CFAP299: variants seen among roughly 807,000 people sequenced by gnomAD.
CFAP299 encodes cilia and flagella associated protein 299, also known as cilia- and flagella-associated protein 299.
In CFAP299, 21 loss-of-function variants were observed where a neutral mutation model predicts 27.0. That is an observed-to-expected ratio of 0.78 (90% CI 0.55 to 1.12). The LOEUF (loss-of-function observed/expected upper bound fraction) is 1.12, where lower values mean the gene tolerates loss of function less well. Ranked by LOEUF, CFAP299 falls within the 50% of genes most tolerant of loss-of-function variation. The probability of loss-of-function intolerance (pLI) is 0.00; values close to 1 mark genes in which losing one functional copy is unlikely to be tolerated. For synonymous variants in CFAP299, 104 were observed against 98.1 expected (o/e 1.06, Z -0.36); for missense variants, 310 against 276.6 (o/e 1.12, Z -0.86).
chr4:80,679,686 T>G (rs1043869835), intron 3 of CFAP299, among the ~76,000 whole-genome samples: 2 of 151,808 alleles, frequency 1.3e-5, no homozygotes, highest in South Asian at 2.1e-4. Context: ...GTAAAAAAAT[T>G]TTCAAGTTCT....
At chr4:80,398,252 G>T (rs963017891) in intron 2 of CFAP299, among the ~76,000 whole-genome samples, 2 of 152,114 alleles carry the variant, frequency 1.3e-5, no homozygotes, top group Non-Finnish European at 2.9e-5. Flanking sequence ...CGTGAAAATG[G>T]CCATACTGCC....
In CFAP299 at chr4:80,393,399, CA is replaced by C. The variant is rs1725601228; in HGVS notation, c.242+30516del. Among the ~76,000 whole-genome samples, 3 of 152,250 alleles carry C rather than the reference CA, an allele frequency of 2.0e-5. No homozygotes were observed. In the East Asian group the frequency reaches 5.8e-4, roughly 29 times the overall value. On this transcript the variant is annotated intron_variant, in intron 2 of 5. Coordinates refer to ENST00000358105, the MANE Select transcript of CFAP299 (RefSeq NM_152770.3). ...CCTAGTGCAGTGTTTATAAAGCCTA[CA>C]GTACAGTAACGTGTTAGGCTTTCAC... is the stretch of plus-strand genomic sequence containing the variant.
Position 80,698,867 on chromosome 4 carries a change from A to G in CFAP299, c.333+115684A>G, listed in dbSNP as rs183448073. ...CTATCATGAGAACAGCATGGGGAAA[A>G]CCACCCCTATGATCTAATCACCTCC... On this transcript the variant is annotated intron_variant, in intron 3 of 5. Coordinates refer to ENST00000358105, the MANE Select transcript of CFAP299 (RefSeq NM_152770.3). Among the ~76,000 whole-genome samples the G allele has an allele frequency of 5.1e-3, 771 of 152,230 alleles. 5 individuals carry two copies. The highest frequency in any genetic ancestry group is 0.02 in the Middle Eastern group (6 of 294).
chr4:80,478,977 G>GT (rs1730422501), intron 2 of CFAP299, among the ~76,000 whole-genome samples: 1 of 151,898 alleles, frequency 6.6e-6, no homozygotes, highest in Non-Finnish European at 1.5e-5. Flanking sequence ...CTAGTGTTGA[G>GT]TATCACAATT....
intron 3 of CFAP299, among the ~76,000 whole-genome samples, chr4:80,830,710 G>C (rs1174284511): frequency 6.6e-6 from 1 of 152,090 alleles, no homozygotes; most frequent in Non-Finnish European, 1.5e-5. Context: ...CAGCAAATGA[G>C]TAACTTGACT....
chr4:80,857,962 G>A (rs2110155115), intron 3 of CFAP299, among the ~76,000 whole-genome samples: 1 of 152,148 alleles, frequency 6.6e-6, no homozygotes, highest in East Asian at 1.9e-4. Flanking sequence ...CTATTGATTG[G>A]AATAGTTTCA....
chr4:80,525,225 CAA>C (rs1345731372), intron 2 of CFAP299, among the ~76,000 whole-genome samples: 1 of 152,092 alleles, frequency 6.6e-6, no homozygotes, highest in East Asian at 1.9e-4. Flanking sequence ...AGAAGCAAGA[CAA>C]AGGCCTTACC....
At chr4:80,642,663 C>T (rs1739787656) in intron 3 of CFAP299, among the ~76,000 whole-genome samples, 1 of 152,042 alleles carries the variant, frequency 6.6e-6, no homozygotes, top group Admixed American at 6.6e-5. Context: ...ACTCAAGTGG[C>T]TGAGGCAGGA....
chr4:80,856,979 G>C (rs1233868062), intron 3 of CFAP299, among the ~76,000 whole-genome samples: 3 of 151,548 alleles, frequency 2.0e-5, no homozygotes, highest in African/African-American at 7.3e-5. Context: ...CATTGAATCT[G>C]TAAATTACCT....
At chr4:80,457,374 A>G (rs1351628612) in intron 2 of CFAP299, among the ~76,000 whole-genome samples, 1 of 152,154 alleles carries the variant, frequency 6.6e-6, no homozygotes, top group Admixed American at 6.5e-5. Context: ...CAAATAGGTT[A>G]TCATGTTATG....
chr4:80,637,574 T>C (rs923803657), intron 3 of CFAP299, among the ~76,000 whole-genome samples: 4 of 152,094 alleles, frequency 2.6e-5, no homozygotes, highest in African/African-American at 9.7e-5. Context: ...CCCAGCACTA[T>C]AGCATTTCAT....
chr4:80,348,673 C>T (rs1408990759), intron 1 of CFAP299, among the ~76,000 whole-genome samples: 2 of 152,096 alleles, frequency 1.3e-5, no homozygotes, highest in Non-Finnish European at 2.9e-5. Context: ...CCTGCCAACA[C>T]CTTGCTGTTC....
intron 2 of CFAP299, among the ~76,000 whole-genome samples, chr4:80,432,455 C>A (rs924636025): frequency 6.0e-5 from 9 of 151,178 alleles, no homozygotes; most frequent in Non-Finnish European, 1.3e-4. Context: ...CCGGCCCTTT[C>A]ATTTGTTTTA....
chr4:80,873,738 C>T (rs989663656), intron 4 of CFAP299, among the ~76,000 whole-genome samples: 3 of 152,188 alleles, frequency 2.0e-5, no homozygotes, highest in African/African-American at 7.2e-5. Context: ...TGTAGAATCA[C>T]TTATAAGCTC....
intron 3 of CFAP299, among the ~76,000 whole-genome samples, chr4:80,824,336 T>A (rs1729867292): frequency 6.6e-6 from 1 of 152,160 alleles, no homozygotes; most frequent in Admixed American, 6.6e-5. Context: ...TGTGCATGTT[T>A]ATGGCGCAGT....
At chr4:80,868,584 C>T (rs1396424932) in intron 3 of CFAP299, among the ~76,000 whole-genome samples, 2 of 152,144 alleles carry the variant, frequency 1.3e-5, no homozygotes, top group Non-Finnish European at 2.9e-5. Flanking sequence ...TGCTTGAATT[C>T]CCTGAGGTTG....
chr4:80,828,629 A>G (rs1355280596), intron 3 of CFAP299, among the ~76,000 whole-genome samples: 1 of 151,576 alleles, frequency 6.6e-6, no homozygotes, highest in Non-Finnish European at 1.5e-5. Flanking sequence ...ATTCTCTCTC[A>G]TTTGCTCCTG....
intron 2 of CFAP299, among the ~76,000 whole-genome samples, chr4:80,531,509 T>C (rs534332488): frequency 6.6e-6 from 1 of 152,320 alleles, no homozygotes; most frequent in African/African-American, 2.4e-5. Context: ...AATTTGCAAT[T>C]ATACTTCTAA....
In CFAP299 at chr4:80,356,128, T is replaced by A. The variant is rs574399792; in HGVS notation, c.112-6626T>A. Reference sequence around the variant, plus strand: ...CCATTGTTTTTTTTTTTGTCAGATTTATCAAAGATTAGATGGTTGTAGACA... The same window carrying A: ...CCATTGTTTTTTTTTTTGTCAGATTAATCAAAGATTAGATGGTTGTAGACA... On this transcript the variant is annotated intron_variant, in intron 1 of 5. Coordinates refer to ENST00000358105, the MANE Select transcript of CFAP299 (RefSeq NM_152770.3). 7.2e-5 allele frequency among the ~76,000 whole-genome samples: 11 copies of A among 152,012 alleles called. No individual in the cohort carries two copies. The East Asian group carries it at 1.9e-3, about 27-fold the overall frequency.
Sources: gnomAD v4.1 joint callset for allele counts (sites outside exome capture counted in the v4.1 genomes callset) on GRCh38, gnomAD v4.1.1 for gene constraint, MANE v1.5 for transcripts, NCBI Gene and HGNC (gene_info 2026-07-23, HGNC 2026-07-21) for gene names.